The following GRM7 variants were observed in gnomAD, a reference collection of about 807,000 sequenced individuals.
GRM7 encodes metabotropic glutamate receptor 7.
Under a neutral mutation model 84.5 loss-of-function variants are expected in GRM7, and 35 were observed. The ratio of observed to expected loss-of-function variants is 0.41; its 90% CI spans 0.32 to 0.55. The LOEUF (loss-of-function observed/expected upper bound fraction) is 0.55, where lower values mean the gene tolerates loss of function less well. Among genes scored for constraint, GRM7 ranks in the 20% least tolerant of loss-of-function variants. The pLI is 0.19. For missense variants in GRM7, 1,003 were observed against 1,194.6 expected, an observed-to-expected ratio of 0.84 and a Z score of 2.36; for synonymous variants, 487 against 455.1, an observed-to-expected ratio of 1.07 and a Z score of -0.89.
At chr3:6,887,437 G>A (rs964893927) in intron 1 of GRM7, among the ~76,000 whole-genome samples, 5 of 151,140 alleles carry the variant, frequency 3.3e-5, no homozygotes, top group African/African-American at 9.8e-5. Context: ...GTGTCCATGT[G>A]TTCTCATTGT....
intron 7 of GRM7, among the ~76,000 whole-genome samples, chr3:7,475,086 G>A (rs1698868001): frequency 6.6e-6 from 1 of 152,172 alleles, no homozygotes; most frequent in African/African-American, 2.4e-5. Context: ...CTACGTAAAA[G>A]TCTTCCTGAG....
intron 4 of GRM7, among the ~76,000 whole-genome samples, chr3:7,307,012 C>CGCATCCAA (rs1449194716): frequency 2.0e-5 from 3 of 152,080 alleles, no homozygotes; most frequent in African/African-American, 7.2e-5. Flanking sequence ...CACTTTGTAA[C>CGCATCCAA]GCATCCATTA....
intron 2 of GRM7, among the ~76,000 whole-genome samples, chr3:7,271,281 C>T (rs1420092285): frequency 6.6e-6 from 1 of 152,126 alleles, no homozygotes; most frequent in Non-Finnish European, 1.5e-5. Context: ...GAATCTCGGC[C>T]GGGCGCAGTG....
At position 7,485,978 on chromosome 3, in the gene GRM7, A is replaced by G. The variant is rs578092886; in HGVS notation, c.1515+24256A>G. ...TAAGGTGCCTTTAACATATTAAGAC[A>G]TAAATGAATGTGTAAGGGCACATAT... On this transcript the variant is annotated intron_variant, in intron 7 of 9. Coordinates refer to ENST00000357716, the MANE Select transcript of GRM7 (RefSeq NM_000844.4). 1.9e-4 allele frequency among the ~76,000 whole-genome samples: 29 copies of G among 152,342 alleles called. No homozygotes were observed. In the South Asian group the frequency reaches 5.8e-3, roughly 30 times the overall value.
At position 7,259,953 on chromosome 3, in the gene GRM7, G is replaced by GTTTTTTTTTTTTTTTTTTTTTTTT. The variant is rs1164961076; in HGVS notation, c.737-38719_737-38718insTTTTTTTTTTTTTTTTTTTTTTTT. Among the ~76,000 whole-genome samples, 32 of 89,648 alleles carry GTTTTTTTTTTTTTTTTTTTTTTTT rather than the reference G, an allele frequency of 3.6e-4. 5 individuals are homozygous for GTTTTTTTTTTTTTTTTTTTTTTTT. Among genetic ancestry groups the GTTTTTTTTTTTTTTTTTTTTTTTT allele is most frequent in the African/African-American group, 1.7e-3 (29 of 17,062 alleles). The allele number at this position is 89,648 out of a possible 152,430, so 58.8% of individuals were successfully genotyped here. A position where few individuals can be genotyped will look rare whatever the true frequency, so the allele number is the denominator to read the frequency against. On this transcript the variant is annotated intron_variant, in intron 2 of 9. Transcript: ENST00000357716. ...TTTCTCTGCAACCTTACCAGCATCTGTTTTTTTTTTTTGACGTTTTAATAA... is the reference window on the plus strand; with the variant it reads ...TTTCTCTGCAACCTTACCAGCATCTGTTTTTTTTTTTTTTTTTTTTTTTTTTTTTTTTTTTTGACGTTTTAATAA...
intron 4 of GRM7, among the ~76,000 whole-genome samples, chr3:7,310,409 T>G (rs1245247865): frequency 6.6e-6 from 1 of 152,188 alleles, no homozygotes; most frequent in Non-Finnish European, 1.5e-5. Flanking sequence ...GAATTCTTTA[T>G]TTTTCCTAAA....
intron 8 of GRM7, among the ~76,000 whole-genome samples, chr3:7,649,762 A>G (rs1698839935): frequency 6.6e-6 from 1 of 152,044 alleles, no homozygotes. Context: ...AACTATTCCT[A>G]ATCATATAAC....
chr3:6,923,853 C>G (rs913794815), intron 1 of GRM7, among the ~76,000 whole-genome samples: 4 of 152,100 alleles, frequency 2.6e-5, no homozygotes, highest in African/African-American at 9.7e-5. Context: ...GAACACATAT[C>G]ATGTCTTTGA....
intron 1 of GRM7, among the ~76,000 whole-genome samples, chr3:6,899,751 T>C (rs1246266137): frequency 6.6e-6 from 1 of 152,218 alleles, no homozygotes; most frequent in East Asian, 1.9e-4. Context: ...TGATGGACTT[T>C]TGACAGTTTC....
chr3:6,889,765 T>A (rs1419719526), intron 1 of GRM7, among the ~76,000 whole-genome samples: 1 of 152,044 alleles, frequency 6.6e-6, no homozygotes, highest in Non-Finnish European at 1.5e-5. Flanking sequence ...TTAGGGAGGA[T>A]TCCCTCTTTT....
intron 2 of GRM7, among the ~76,000 whole-genome samples, chr3:7,290,277 C>T (rs1023141731): frequency 6.6e-6 from 1 of 152,156 alleles, no homozygotes; most frequent in African/African-American, 2.4e-5. Flanking sequence ...ATCATTTCCC[C>T]TTTCTGGAAC....
chr3:7,315,224 C>T (rs999687095), intron 4 of GRM7, among the ~76,000 whole-genome samples: 10 of 152,214 alleles, frequency 6.6e-5, no homozygotes, highest in African/African-American at 1.9e-4. Context: ...TCTTTCACTT[C>T]CTGCTTGCCC....
chr3:7,392,757 A>T (rs903686144), intron 4 of GRM7, among the ~76,000 whole-genome samples: 2 of 152,200 alleles, frequency 1.3e-5, no homozygotes, highest in Admixed American at 1.3e-4. Context: ...GCATTAAACT[A>T]TCAAAATATG....
intron 4 of GRM7, among the ~76,000 whole-genome samples, chr3:7,322,750 G>A (rs539975147): frequency 6.6e-6 from 1 of 151,990 alleles, no homozygotes; most frequent in South Asian, 2.1e-4. Context: ...CCTTTTTATG[G>A]CTGAGTAGTA....
At chr3:6,872,546 G>T (rs971424383) in intron 1 of GRM7, among the ~76,000 whole-genome samples, 32 of 152,030 alleles carry the variant, frequency 2.1e-4, no homozygotes, top group African/African-American at 7.5e-4. Context: ...ATGTGCCATG[G>T]TGGTTTGCTG....
At chr3:7,646,800 A>G (rs1698666328) in intron 8 of GRM7, among the ~76,000 whole-genome samples, 1 of 152,198 alleles carries the variant, frequency 6.6e-6, no homozygotes, top group South Asian at 2.1e-4. Context: ...TCTTCAGGCC[A>G]AAAAACCCTT....
At chr3:6,991,977 G>T (rs1476531308) in intron 1 of GRM7, among the ~76,000 whole-genome samples, 1 of 148,662 alleles carries the variant, frequency 6.7e-6, no homozygotes, top group East Asian at 2.0e-4. Flanking sequence ...TGTTCAAAAA[G>T]GAAAAAAAAA....
At chr3:7,499,755 G>A (rs1432301982) in intron 7 of GRM7, among the ~76,000 whole-genome samples, 1 of 151,600 alleles carries the variant, frequency 6.6e-6, no homozygotes, top group Non-Finnish European at 1.5e-5. Flanking sequence ...CAGTTTAATT[G>A]TAGAGTTGGC....
rs761307351 is a variant in GRM7, at chr3:7,298,793, C to A, written c.846C>A (p.Ala282=). 3 of 1,613,444 alleles carry A rather than the reference C, an allele frequency of 1.9e-6. No individual in the cohort carries two copies. Among genetic ancestry groups the A allele is most frequent in the Admixed American group, 3.3e-5 (2 of 59,966 alleles). Residue 282 remains alanine, a synonymous_variant, in exon 3 of 10, where the codon GCC becomes GCA. Transcript: ENST00000357716. ...KQLLDTPNSR[A]VVIFANDEDI... is the part of the protein sequence containing the mutation. Reference sequence around the variant, plus strand: ...TCCTGGACACCCCCAACTCCAGGGCCGTCGTGATTTTTGCCAACGATGAGG... The same window carrying A: ...TCCTGGACACCCCCAACTCCAGGGCAGTCGTGATTTTTGCCAACGATGAGG...
Sources: gnomAD v4.1 joint callset for allele counts (sites outside exome capture counted in the v4.1 genomes callset) on GRCh38, gnomAD v4.1.1 for gene constraint, MANE v1.5 for transcripts, NCBI Gene and HGNC (gene_info 2026-07-23, HGNC 2026-07-21) for gene names.